PACSIN1: variants seen among roughly 807,000 people sequenced by gnomAD.
PACSIN1 encodes the protein protein kinase C and casein kinase substrate in neurons 1.
A neutral mutation model predicts 59.5 loss-of-function variants in PACSIN1; 15 were observed. That is an observed-to-expected ratio of 0.25 (90% CI 0.17 to 0.39). The LOEUF (loss-of-function observed/expected upper bound fraction) is 0.39, where lower values mean the gene tolerates loss of function less well. Ranked by LOEUF, PACSIN1 falls within the 10% of genes least tolerant of loss-of-function variation. PACSIN1 has a pLI of 1.00. For synonymous variants in PACSIN1, 210 were observed against 220.6 expected, an observed-to-expected ratio of 0.95 and a Z score of 0.42; for missense variants, 420 against 580.2, an observed-to-expected ratio of 0.72 and a Z score of 2.84.
Position 34,531,123 on chromosome 6 carries a change from C to G in PACSIN1, c.1038-477C>G, listed in dbSNP as rs760540362. Reference sequence around the variant, plus strand: ...ATAGTGGTAGCATATCCTTCTAGAGCACCTACTGTGTGTGGCACGGTTCTA... The same window carrying G: ...ATAGTGGTAGCATATCCTTCTAGAGGACCTACTGTGTGTGGCACGGTTCTA... On this transcript the variant is annotated intron_variant, in intron 8 of 9. Transcript: ENST00000244458. The surrounding 1 kb of genome is among the most constrained non-coding windows in gnomAD (Gnocchi z 4.4). Among the ~76,000 whole-genome samples, 7 of 152,230 alleles carry G rather than the reference C, an allele frequency of 4.6e-5. No homozygotes were observed. The highest frequency in any genetic ancestry group is 8.8e-5 in the Non-Finnish European group (6 of 68,034).
Position 34,527,327 on chromosome 6 carries a change from G to C in PACSIN1, c.64-5G>C, listed in dbSNP as rs199949546. 10 of 1,560,308 alleles carry C rather than the reference G, an allele frequency of 6.4e-6. No individual in the cohort carries two copies. In the East Asian group the frequency reaches 2.5e-4, roughly 38 times the overall value. On this transcript the variant is annotated splice_polypyrimidine_tract_variant and splice_region_variant and intron_variant, in intron 2 of 9. Coordinates refer to ENST00000244458, the MANE Select transcript of PACSIN1 (RefSeq NM_020804.5). ...CGGGAGTGGTGCTCGCTGCTTGGCC[G>C]CCAGGTGGGGAACTACAAGCGGACC...
At chr6:34,483,796 T>C (rs1766755752) in intron 1 of PACSIN1, among the ~76,000 whole-genome samples, 1 of 151,988 alleles carries the variant, frequency 6.6e-6, no homozygotes, top group African/African-American at 2.4e-5. Context: ...ATTACAGGCA[T>C]GTGCCACCAT....
At chr6:34,500,450 C>T (rs1212802209) in intron 1 of PACSIN1, among the ~76,000 whole-genome samples, 1 of 152,136 alleles carries the variant, frequency 6.6e-6, no homozygotes. Flanking sequence ...ATCTTTTTTT[C>T]TGAGCAGTAG....
chr6:34,530,358 T>C lies in PACSIN1; in HGVS notation c.904T>C (p.Phe302Leu). The change falls in exon 7 of 10, where the codon TTT becomes CTT. Residue 302 changes from phenylalanine to leucine, a missense_variant. By Grantham distance (22) the Phe-to-Leu change is conservative. Coordinates refer to ENST00000244458, the MANE Select transcript of PACSIN1 (RefSeq NM_020804.5). The surrounding 1 kb of genome is among the most constrained non-coding windows in gnomAD (Gnocchi z 4.4). Reference protein sequence around the residue: ...GPGMPMNWPQFEEWNPDLPHT... With the variant: ...GPGMPMNWPQLEEWNPDLPHT... ...CGGCATGCCCATGAACTGGCCCCAG[T>C]TTGAGGTGAGGATATGTGGGGATGG... 6.2e-7 allele frequency: 1 copy of C among 1,613,304 alleles called. No individual in the cohort carries two copies. Among genetic ancestry groups the C allele is most frequent in the Non-Finnish European group, 8.5e-7 (1 of 1,179,702 alleles).
chr6:34,507,139 T>A lies in PACSIN1; in HGVS notation c.-63-19104T>A, dbSNP rs1338955137. Among the ~76,000 whole-genome samples, 6 of 152,196 alleles carry A rather than the reference T, an allele frequency of 3.9e-5. No homozygotes were observed. In the South Asian group the frequency reaches 6.2e-4, roughly 16 times the overall value. On this transcript the variant is annotated intron_variant, in intron 1 of 9. Coordinates refer to ENST00000244458, the MANE Select transcript of PACSIN1 (RefSeq NM_020804.5). ...TTTTTTGTTTTTGTTTTATTCTTTT[T>A]TATTATGTTTTAGACCTATCAGCAG...
chr6:34,499,659 G>A (rs1252240755), intron 1 of PACSIN1, among the ~76,000 whole-genome samples: 4 of 151,914 alleles, frequency 2.6e-5, no homozygotes, highest in African/African-American at 4.8e-5. Context: ...ATGCAGGCAT[G>A]GTGACGGGCA....
chr6:34,482,808 T>G (rs1766739013), intron 1 of PACSIN1, among the ~76,000 whole-genome samples: 1 of 151,094 alleles, frequency 6.6e-6, no homozygotes, highest in South Asian at 2.1e-4. Flanking sequence ...CTCAGCCTCC[T>G]GAGTAGCTGG....
At chr6:34,512,287 C>T (rs1332035320) in intron 1 of PACSIN1, among the ~76,000 whole-genome samples, 1 of 131,564 alleles carries the variant, frequency 7.6e-6, no homozygotes, top group Non-Finnish European at 1.6e-5. Flanking sequence ...GTCTGGAATC[C>T]ATTGAGTGTG....
In PACSIN1 at chr6:34,518,588, G is replaced by T. The variant is rs1047924126; in HGVS notation, c.-63-7655G>T. On this transcript the variant is annotated intron_variant, in intron 1 of 9. Transcript: ENST00000244458. The surrounding 1 kb of genome is among the most constrained non-coding windows in gnomAD (Gnocchi z 4.4). ...AAATGACACAGGGAGACAAAAAAGG[G>T]TGCTTTACCAAGCAAGTTACCACTG... Among the ~76,000 whole-genome samples the T allele has an allele frequency of 1.3e-5, 2 of 152,170 alleles. No individual in the cohort carries two copies. The highest frequency in any genetic ancestry group is 4.8e-5 in the African/African-American group (2 of 41,440).
At chr6:34,502,673 A>C (rs897946044) in intron 1 of PACSIN1, among the ~76,000 whole-genome samples, 26 of 151,466 alleles carry the variant, frequency 1.7e-4, no homozygotes, top group Non-Finnish European at 8.8e-5. Context: ...TCACCGTGTT[A>C]GCCAGGATGG....
intron 1 of PACSIN1, among the ~76,000 whole-genome samples, chr6:34,491,367 G>A (rs947601851): frequency 2.6e-5 from 4 of 152,056 alleles, no homozygotes; most frequent in Non-Finnish European, 5.9e-5. Context: ...CTGCAGTGCG[G>A]TCCCTTCCCT....
At chr6:34,470,162 G>T (rs1766551206) in intron 1 of PACSIN1, among the ~76,000 whole-genome samples, 1 of 151,930 alleles carries the variant, frequency 6.6e-6, no homozygotes, top group African/African-American at 2.4e-5. Context: ...TGGGAGGGCA[G>T]GGGAGGCCTT....
chr6:34,485,034 G>A (rs1211946783), intron 1 of PACSIN1: 1 of 152,112 alleles, frequency 6.6e-6, no homozygotes, highest in East Asian at 1.9e-4. Context: ...CCGACTCAGG[G>A]AAGAGGAAGC....
rs1026653340 is a variant in PACSIN1, at chr6:34,532,248, G to A, written c.1226-173G>A. On this transcript the variant is annotated intron_variant, in intron 9 of 9. Coordinates refer to ENST00000244458, the MANE Select transcript of PACSIN1 (RefSeq NM_020804.5). The surrounding 1 kb of genome is among the most constrained non-coding windows in gnomAD (Gnocchi z 5.2). ...GTAGGCCAAGACCCCTATGCCAAGG[G>A]TGGCACGTGAATGTTGGCGTGGGAC... Among the ~76,000 whole-genome samples the A allele has an allele frequency of 5.3e-5, 8 of 152,114 alleles. No individual in the cohort carries two copies. The highest frequency in any genetic ancestry group is 1.7e-4 in the African/African-American group (7 of 41,430).
At chr6:34,482,687 T>G (rs1433483906) in intron 1 of PACSIN1, among the ~76,000 whole-genome samples, 2 of 147,668 alleles carry the variant, frequency 1.4e-5, no homozygotes, top group Non-Finnish European at 3.0e-5. Context: ...TGTTTTTGTT[T>G]TTTTTTTTTT....
In PACSIN1 at chr6:34,483,660, TTTGA is replaced by T. The variant is rs1441889017; in HGVS notation, c.-64+17391_-64+17394del. 5.9e-3 allele frequency among the ~76,000 whole-genome samples: 607 copies of T among 103,360 alleles called. 7 individuals are homozygous for T. The highest frequency in any genetic ancestry group is 0.022 in the African/African-American group (576 of 26,148). 67.8% of individuals were successfully genotyped at this position (103,360 alleles called of 152,430 possible). Reference sequence around the variant, plus strand: ...CTTTTTTTTTTTTTTTTTTTTTTTTTTTGAGACAGAGCTTCACTCTTGTTGCCCA... The same window carrying T: ...CTTTTTTTTTTTTTTTTTTTTTTTTTGACAGAGCTTCACTCTTGTTGCCCA... On this transcript the variant is annotated intron_variant, in intron 1 of 9. Transcript: ENST00000244458.
rs546900278 is a variant in PACSIN1 at position 34,488,891 on chromosome 6, A to T, written c.-64+22621A>T. On this transcript the variant is annotated intron_variant, in intron 1 of 9. Coordinates refer to ENST00000244458, the MANE Select transcript of PACSIN1 (RefSeq NM_020804.5). The surrounding 1 kb of genome is among the most constrained non-coding windows in gnomAD (Gnocchi z 4.7). Reference sequence around the variant, plus strand: ...TTTTTAAAGTGACAAATAAAAATTGACTATATTGGCTGTGCGCAGTGGCTC... The same window carrying T: ...TTTTTAAAGTGACAAATAAAAATTGTCTATATTGGCTGTGCGCAGTGGCTC... 7.9e-5 allele frequency among the ~76,000 whole-genome samples: 12 copies of T among 152,208 alleles called. No homozygotes were observed. In the East Asian group the frequency reaches 1.2e-3, roughly 15 times the overall value.
rs184052401 is a variant in PACSIN1 at position 34,490,801 on chromosome 6, C to T, written c.-64+24531C>T. Among the ~76,000 whole-genome samples the T allele has an allele frequency of 9.8e-5, 15 of 152,312 alleles. No homozygotes were observed. In the South Asian group the frequency reaches 1.5e-3, roughly 15 times the overall value. ...CCCCCCTTCTCCAGGCCTTTGGATCCTTTCTTCCACTGCCTGACACGGCAG... is the reference window on the plus strand; with the variant it reads ...CCCCCCTTCTCCAGGCCTTTGGATCTTTTCTTCCACTGCCTGACACGGCAG... On this transcript the variant is annotated intron_variant, in intron 1 of 9. Transcript: ENST00000244458.
chr6:34,525,710 T>A lies in PACSIN1; in HGVS notation c.-63-533T>A, dbSNP rs1278254879. Among the ~76,000 whole-genome samples, 1 of 151,730 alleles carries A rather than the reference T, an allele frequency of 6.6e-6. No individual in the cohort carries two copies. Among genetic ancestry groups the A allele is most frequent in the Non-Finnish European group, 1.5e-5 (1 of 67,932 alleles). Reference sequence around the variant, plus strand: ...GCCCTGGGGCAGCGCACGGCCTAGATTGGATAACCCTGATGCCTGCCGACA... The same window carrying A: ...GCCCTGGGGCAGCGCACGGCCTAGAATGGATAACCCTGATGCCTGCCGACA... On this transcript the variant is annotated intron_variant, in intron 1 of 9. Transcript: ENST00000244458. The surrounding 1 kb of genome is among the most constrained non-coding windows in gnomAD (Gnocchi z 4.9).
Sources: allele counts gnomAD v4.1 joint callset (sites outside exome capture counted in the v4.1 genomes callset), GRCh38; gene constraint gnomAD v4.1.1; non-coding constraint Gnocchi (gnomAD v3.1); transcripts MANE v1.5; gene names NCBI Gene and HGNC (gene_info 2026-07-23, HGNC 2026-07-21).